Variants in MATCAP2 observed in about 807,000 individuals in gnomAD.
The protein encoded by MATCAP2 is microtubule associated tyrosine carboxypeptidase 2, also known as putative tyrosine carboxypeptidase MATCAP2.
At chr7:36,375,484 G>A in the MATCAP2 span, among the ~76,000 whole-genome samples, 2,106 of 152,204 alleles carry the variant, frequency 0.014, 19 homozygotes, top group Non-Finnish European at 0.023. Context: ...TGCTGGATTC[G>A]GTTTGCCAGT....
chr7:36,372,347 A>G, the MATCAP2 span, among the ~76,000 whole-genome samples: 1 of 152,208 alleles, frequency 6.6e-6, no homozygotes, highest in Non-Finnish European at 1.5e-5. Flanking sequence ...AATCTAGGAA[A>G]TAGTTGGTAG....
At chr7:36,341,539 A>T in the MATCAP2 span, among the ~76,000 whole-genome samples, 448 of 152,308 alleles carry the variant, frequency 2.9e-3, 1 homozygote, top group African/African-American at 0.01. Flanking sequence ...ATTAGGAGGT[A>T]GGGCCTTTGG....
the MATCAP2 span, among the ~76,000 whole-genome samples, chr7:36,365,591 T>C: frequency 6.6e-6 from 1 of 152,142 alleles, no homozygotes; most frequent in African/African-American, 2.4e-5. Context: ...TCCCAGCTAC[T>C]CGGAGGCTGA....
At chr7:36,343,204 T>A in the MATCAP2 span, among the ~76,000 whole-genome samples, 30 of 149,074 alleles carry the variant, frequency 2.0e-4, 1 homozygote, top group Middle Eastern at 3.5e-3. Flanking sequence ...TCTTCAAAAA[T>A]TTTCTTAGAA....
At chr7:36,389,659 A>G in the MATCAP2 span, 4 of 219,244 alleles carry the variant, frequency 1.8e-5, no homozygotes, top group Non-Finnish European at 3.5e-5. Context: ...GTTGGAGAGC[A>G]GGAAGCGCCC....
the MATCAP2 span, among the ~76,000 whole-genome samples, chr7:36,347,827 A>G: frequency 6.6e-6 from 1 of 152,188 alleles, no homozygotes; most frequent in Non-Finnish European, 1.5e-5. Context: ...TCCTTTTCAG[A>G]AAATTCTAGA....
chr7:36,352,931 T>C, the MATCAP2 span, among the ~76,000 whole-genome samples: 2 of 152,114 alleles, frequency 1.3e-5, no homozygotes, highest in African/African-American at 4.8e-5. Context: ...CTTTTCCTGA[T>C]TGCTGTTTTT....
the MATCAP2 span, among the ~76,000 whole-genome samples, chr7:36,383,704 C>T: frequency 6.6e-6 from 1 of 152,246 alleles, no homozygotes; most frequent in Middle Eastern, 3.4e-3. Context: ...AGGAGAAATA[C>T]CTAATATAGA....
At chr7:36,324,994 G>C in the MATCAP2 span, 8 of 152,182 alleles carry the variant, frequency 5.3e-5, no homozygotes, top group Admixed American at 2.0e-4. Context: ...TATAACCTTT[G>C]GGCTTGAATC....
chr7:36,375,253 C>G, the MATCAP2 span, among the ~76,000 whole-genome samples: 2 of 152,198 alleles, frequency 1.3e-5, no homozygotes, highest in Admixed American at 1.3e-4. Flanking sequence ...GAGATGCTAT[C>G]TCATTGTGAT....
At chr7:36,330,949 G>A in the MATCAP2 span, 41 of 1,282,282 alleles carry the variant, frequency 3.2e-5, no homozygotes, top group South Asian at 2.5e-4. Context: ...GATCTGGGGT[G>A]TTCGGGGACT....
chr7:36,368,520 C>T, the MATCAP2 span, among the ~76,000 whole-genome samples: 1,109 of 152,316 alleles, frequency 7.3e-3, 10 homozygotes, highest in Admixed American at 0.011. Context: ...CTTGCTACCA[C>T]TCTGGTTCAA....
At chr7:36,332,694 G>A in the MATCAP2 span, among the ~76,000 whole-genome samples, 2 of 152,214 alleles carry the variant, frequency 1.3e-5, no homozygotes, top group South Asian at 2.1e-4. Context: ...TTGGGAGGCC[G>A]AGGCGGTTGG....
the MATCAP2 span, among the ~76,000 whole-genome samples, chr7:36,379,820 A>G: frequency 1.5e-5 from 1 of 64,606 alleles, no homozygotes; most frequent in Non-Finnish European, 4.2e-5. Flanking sequence ...AAGTACACAC[A>G]CACACACACA....
At chr7:36,390,090 GC>G in the MATCAP2 span, 1 of 1,612,466 alleles carries the variant, frequency 6.2e-7, no homozygotes, top group Non-Finnish European at 8.5e-7. Flanking sequence ...ACCGCTCTAG[GC>G]CCCCACCCAC....
At chr7:36,375,415 A>G in the MATCAP2 span, among the ~76,000 whole-genome samples, 1 of 152,180 alleles carries the variant, frequency 6.6e-6, no homozygotes, top group Non-Finnish European at 1.5e-5. Flanking sequence ...ATGTTGAACC[A>G]GCCTTGTATC....
the MATCAP2 span, chr7:36,324,305 A>G: frequency 2.0e-5 from 3 of 152,242 alleles, no homozygotes; most frequent in Non-Finnish European, 4.4e-5. Context: ...ACAAATTTTA[A>G]ACACTTTTAC....
chr7:36,326,543 G>C, the MATCAP2 span: 1 of 354,528 alleles, frequency 2.8e-6, no homozygotes, highest in Non-Finnish European at 5.0e-6. Flanking sequence ...TCGAGATTCA[G>C]AAAATAGGAA....
At chr7:36,358,689 C>T in the MATCAP2 span, among the ~76,000 whole-genome samples, 4 of 151,980 alleles carry the variant, frequency 2.6e-5, no homozygotes, top group Non-Finnish European at 4.4e-5. Context: ...TCAACAAATA[C>T]GTAGAATGCT....
Sources: gnomAD v4.1 joint callset for allele counts (sites outside exome capture counted in the v4.1 genomes callset) on GRCh38, gnomAD v4.1.1 for gene constraint, MANE v1.5 for transcripts, NCBI Gene and HGNC (gene_info 2026-07-23, HGNC 2026-07-21) for gene names.